Variants in ARHGAP10 observed in about 807,000 individuals in gnomAD.
ARHGAP10 encodes the protein Rho GTPase activating protein 10.
ARHGAP10 carries 87 observed loss-of-function variants against 108.6 expected under a neutral mutation model. The ratio of observed to expected loss-of-function variants is 0.80; its 90% confidence interval spans 0.67 to 0.96. The LOEUF (loss-of-function observed/expected upper bound fraction) is 0.96. Ranked by LOEUF, ARHGAP10 falls within the 40% of genes least tolerant of loss-of-function variation. ARHGAP10 has a pLI of 0.00. For synonymous variants in ARHGAP10, 347 were observed against 341.1 expected, an observed-to-expected ratio of 1.02 and a Z score of -0.19; for missense variants, 939 against 954.5, an observed-to-expected ratio of 0.98 and a Z score of 0.21.
rs1553947379 is a variant in ARHGAP10, at chr4:147,765,337, TG to T, written c.154+32893del. Reference sequence around the variant, plus strand: ...GTGTGTGCTGTGGTGTGTGTGTGTGTGGGGGGGGGGGTGTGAGTGTGTGTAT... The same window carrying T: ...GTGTGTGCTGTGGTGTGTGTGTGTGTGGGGGGGGGGTGTGAGTGTGTGTAT... On this transcript the variant is annotated intron_variant, in intron 1 of 22. Coordinates refer to ENST00000336498, the MANE Select transcript of ARHGAP10 (RefSeq NM_024605.4). Among the ~76,000 whole-genome samples the T allele has an allele frequency of 4.3e-3, 251 of 58,610 alleles. 2 individuals carry two copies. Among genetic ancestry groups the T allele is most frequent in the African/African-American group, 0.012 (210 of 16,956 alleles). 38.5% of individuals were successfully genotyped at this position (58,610 alleles called of 152,430 possible).
intron 4 of ARHGAP10, among the ~76,000 whole-genome samples, chr4:147,852,333 C>T (rs921409132): frequency 2.0e-4 from 31 of 152,150 alleles, no homozygotes; most frequent in African/African-American, 7.0e-4. Context: ...CTGTGCTGGC[C>T]GTTCACTTGT....
intron 18 of ARHGAP10, among the ~76,000 whole-genome samples, chr4:148,007,208 T>C (rs1266338767): frequency 6.6e-6 from 1 of 152,220 alleles, no homozygotes; most frequent in Non-Finnish European, 1.5e-5. Flanking sequence ...TTTGTGTACT[T>C]ACTATCTGAC....
chr4:147,767,803 G>A (rs931715832), intron 1 of ARHGAP10, among the ~76,000 whole-genome samples: 3 of 152,118 alleles, frequency 2.0e-5, no homozygotes, highest in Non-Finnish European at 4.4e-5. Flanking sequence ...TAGCAAAAAG[G>A]CAAAATTGAA....
chr4:147,821,272 G>A (rs1732490435), intron 1 of ARHGAP10, among the ~76,000 whole-genome samples: 1 of 152,192 alleles, frequency 6.6e-6, no homozygotes, highest in Non-Finnish European at 1.5e-5. Context: ...TACAAGACTA[G>A]CCCAGGTTCA....
intron 18 of ARHGAP10, among the ~76,000 whole-genome samples, chr4:147,969,740 G>T (rs990007271): frequency 1.3e-5 from 2 of 152,162 alleles, no homozygotes; most frequent in Admixed American, 6.5e-5. Context: ...TTCCAGTAGC[G>T]TCGGCAAGCC....
Position 147,926,488 on chromosome 4 carries a change from C to T in ARHGAP10, c.1229-13337C>T, listed in dbSNP as rs146212307. Reference sequence around the variant, plus strand: ...AGACCAGGTGGATGAGACCTTTAGCCAAGGCAGAATGCAAGATGAGCAGTA... The same window carrying T: ...AGACCAGGTGGATGAGACCTTTAGCTAAGGCAGAATGCAAGATGAGCAGTA... On this transcript the variant is annotated intron_variant, in intron 13 of 22. Transcript: ENST00000336498. Among the ~76,000 whole-genome samples the T allele has an allele frequency of 1.3e-4, 20 of 152,138 alleles. 1 individual carries two copies. The East Asian group carries it at 3.9e-3, about 29-fold the overall frequency.
At chr4:147,785,567 T>A (rs370485525) in intron 1 of ARHGAP10, among the ~76,000 whole-genome samples, 1 of 152,128 alleles carries the variant, frequency 6.6e-6, no homozygotes, top group East Asian at 1.9e-4. Flanking sequence ...ATAAATGACA[T>A]GTAGTTTATG....
At chr4:147,943,050 C>T (rs1005811889) in intron 14 of ARHGAP10, among the ~76,000 whole-genome samples, 2 of 152,206 alleles carry the variant, frequency 1.3e-5, no homozygotes, top group Admixed American at 1.3e-4. Flanking sequence ...TTAGGTGAGT[C>T]ATGGTTTTTT....
At chr4:147,901,473 A>G (rs1736238089) in intron 10 of ARHGAP10, among the ~76,000 whole-genome samples, 1 of 152,226 alleles carries the variant, frequency 6.6e-6, no homozygotes, top group Non-Finnish European at 1.5e-5. Context: ...TTGCCAAAAT[A>G]TAAACAAATG....
chr4:147,786,295 T>G (rs1293845369), intron 1 of ARHGAP10, among the ~76,000 whole-genome samples: 1 of 152,204 alleles, frequency 6.6e-6, no homozygotes, highest in African/African-American at 2.4e-5. Flanking sequence ...ATTGTGTCTC[T>G]AAATGTGTTT....
At chr4:147,783,044 AC>A (rs1159085367) in intron 1 of ARHGAP10, among the ~76,000 whole-genome samples, 3 of 141,936 alleles carry the variant, frequency 2.1e-5, no homozygotes, top group East Asian at 4.0e-4. Flanking sequence ...TAAATTATAT[AC>A]TATATGTTAA....
chr4:148,070,649 G>A (rs1039532987), intron 22 of ARHGAP10, among the ~76,000 whole-genome samples: 16 of 152,226 alleles, frequency 1.1e-4, no homozygotes, highest in South Asian at 2.1e-4. Flanking sequence ...CATTGCATGC[G>A]CGCAGTGAGG....
At chr4:147,990,774 G>T (rs1740242387) in intron 18 of ARHGAP10, among the ~76,000 whole-genome samples, 1 of 152,138 alleles carries the variant, frequency 6.6e-6, no homozygotes, top group Non-Finnish European at 1.5e-5. Context: ...TCTACTTGAG[G>T]GACGAGGGAG....
rs547946593 is a variant in ARHGAP10 at position 147,970,272 on chromosome 4, T to C, written c.1716+3433T>C. On this transcript the variant is annotated intron_variant, in intron 18 of 22. Coordinates refer to ENST00000336498, the MANE Select transcript of ARHGAP10 (RefSeq NM_024605.4). ...CCTGGCAGCTGACCTAAGTATACCC[T>C]TCAGAGGATCCTAACATTTGACTGT... Among the ~76,000 whole-genome samples the C allele has an allele frequency of 3.9e-5, 6 of 152,222 alleles. No homozygotes were observed. In the East Asian group the frequency reaches 1.2e-3, roughly 29 times the overall value.
In ARHGAP10 at chr4:148,008,891, C is replaced by G. The variant is rs140070735; in HGVS notation, c.1717-14372C>G. On this transcript the variant is annotated intron_variant, in intron 18 of 22. Coordinates refer to ENST00000336498, the MANE Select transcript of ARHGAP10 (RefSeq NM_024605.4). ...CAGAAGGAGACAGAGAGTCCGCTGT[C>G]TACTGTTAAGTCGGACGTTAAAGAG... Among the ~76,000 whole-genome samples the G allele has an allele frequency of 8.9e-3, 1,354 of 152,178 alleles. 66 individuals are homozygous for G. The highest frequency in any genetic ancestry group is 0.076 in the Admixed American group (1,164 of 15,282).
At chr4:148,052,022 T>C (rs1043133462) in intron 20 of ARHGAP10, among the ~76,000 whole-genome samples, 57 of 152,226 alleles carry the variant, frequency 3.7e-4, no homozygotes, top group Non-Finnish European at 2.1e-4. Flanking sequence ...TGCTGGGAGA[T>C]ACCAGAGTAC....
At chr4:147,901,864 G>A (rs1736263302) in intron 10 of ARHGAP10, among the ~76,000 whole-genome samples, 1 of 152,156 alleles carries the variant, frequency 6.6e-6, no homozygotes, top group Admixed American at 6.5e-5. Context: ...TCTATCTTGA[G>A]TTAATATTAT....
At chr4:147,933,322 A>G (rs1291541294) in intron 13 of ARHGAP10, among the ~76,000 whole-genome samples, 2 of 152,294 alleles carry the variant, frequency 1.3e-5, no homozygotes, top group African/African-American at 4.8e-5. Flanking sequence ...TTGAACTCCT[A>G]TACTCAAGCA....
At chr4:147,799,453 A>G (rs974638061) in intron 1 of ARHGAP10, among the ~76,000 whole-genome samples, 6 of 152,144 alleles carry the variant, frequency 3.9e-5, no homozygotes, top group African/African-American at 1.2e-4. Context: ...TTGGGGCTCA[A>G]TGATACAAGG....
Sources: gnomAD v4.1 joint callset for allele counts (sites outside exome capture counted in the v4.1 genomes callset) on GRCh38, gnomAD v4.1.1 for gene constraint, MANE v1.5 for transcripts, NCBI Gene and HGNC (gene_info 2026-07-23, HGNC 2026-07-21) for gene names.